Variants in HAT1 observed in about 807,000 individuals in gnomAD.
The protein encoded by HAT1 is histone acetyltransferase type B catalytic subunit.
HAT1 carries 20 observed loss-of-function variants against 56.6 expected under a neutral mutation model. The ratio of observed to expected loss-of-function variants is 0.35; its 90% CI spans 0.25 to 0.51. The LOEUF is 0.51. Ranked by LOEUF, HAT1 falls within the 20% of genes least tolerant of loss-of-function variation. The pLI is 0.95. For missense variants in HAT1, 408 were observed against 504.3 expected (o/e 0.81, Z 1.83); for synonymous variants, 146 against 165.5 (o/e 0.88, Z 0.91).
At chr2:171,982,723 T>C (rs972772176) in intron 10 of HAT1, among the ~76,000 whole-genome samples, 7 of 152,204 alleles carry the variant, frequency 4.6e-5, no homozygotes, top group Non-Finnish European at 7.3e-5. Flanking sequence ...TTTCTAACAG[T>C]TTATGTTAAA....
At chr2:171,922,689 G>T (rs1686470224) in intron 1 of HAT1, 182 bp downstream of exon 1, 4 of 436,744 alleles carry the variant, frequency 9.2e-6, no homozygotes, top group Non-Finnish European at 1.6e-5. Context: ...GGCGGTCCGC[G>T]CCCCCGCCCC....
At chr2:171,975,658 A>C (rs1687942584) in intron 8 of HAT1, among the ~76,000 whole-genome samples, 1 of 152,152 alleles carries the variant, frequency 6.6e-6, no homozygotes, top group Non-Finnish European at 1.5e-5. Flanking sequence ...AGTTCATGGC[A>C]TATTCCCTTT....
At chr2:171,950,929 C>A (rs1574049516) in intron 3 of HAT1, among the ~76,000 whole-genome samples, 1 of 152,208 alleles carries the variant, frequency 6.6e-6, no homozygotes, top group Admixed American at 6.5e-5. Flanking sequence ...CCTGCCTCAG[C>A]CTCCCGAGTC....
At chr2:171,970,187 C>T (rs1238468071) in intron 8 of HAT1, among the ~76,000 whole-genome samples, 1 of 151,816 alleles carries the variant, frequency 6.6e-6, no homozygotes, top group African/African-American at 2.4e-5. Flanking sequence ...TTTGGGAGGT[C>T]GAGGCAGGTG....
At chr2:171,981,165 T>C (rs1688124865) in intron 10 of HAT1, among the ~76,000 whole-genome samples, 1 of 151,932 alleles carries the variant, frequency 6.6e-6, no homozygotes, top group South Asian at 2.1e-4. Flanking sequence ...CAAAATTCCA[T>C]CTCAAAAAAG....
chr2:171,955,295 CTG>C (rs1183259817), intron 4 of HAT1, among the ~76,000 whole-genome samples: 2 of 152,062 alleles, frequency 1.3e-5, no homozygotes, highest in African/African-American at 2.4e-5. Context: ...CTTGAATGGA[CTG>C]TTGGTAGAAA....
intron 8 of HAT1, among the ~76,000 whole-genome samples, chr2:171,967,381 T>C (rs1242182002): frequency 6.6e-6 from 1 of 152,142 alleles, no homozygotes; most frequent in Non-Finnish European, 1.5e-5. Flanking sequence ...TTTCCTAAAG[T>C]GTGTGTTTTG....
chr2:171,971,702 TTTA>T (rs1687820101), intron 8 of HAT1, among the ~76,000 whole-genome samples: 1 of 152,308 alleles, frequency 6.6e-6, no homozygotes, highest in Admixed American at 6.5e-5. Context: ...CTTTATATTT[TTTA>T]TTTATTTATT....
At chr2:171,981,064 G>A (rs372136684) in intron 10 of HAT1, among the ~76,000 whole-genome samples, 3 of 151,838 alleles carry the variant, frequency 2.0e-5, no homozygotes, top group African/African-American at 4.8e-5. Context: ...CAGCTTCTCC[G>A]GAGGCTGAGG....
chr2:171,979,541 C>T, intron 10 of HAT1, 178 bp downstream of exon 10: 1 of 495,756 alleles, frequency 2.0e-6, no homozygotes, highest in East Asian at 3.7e-5. Context: ...GGCGTGGTGG[C>T]CCACACCTGT....
intron 4 of HAT1, among the ~76,000 whole-genome samples, chr2:171,959,806 C>CAAATT (rs1164301923): frequency 2.6e-5 from 4 of 152,102 alleles, no homozygotes. Context: ...AGTAAATACA[C>CAAATT]AAATTAAATT....
At chr2:171,949,544 G>A (rs1364508939) in intron 3 of HAT1, among the ~76,000 whole-genome samples, 1 of 151,562 alleles carries the variant, frequency 6.6e-6, no homozygotes. Flanking sequence ...GCTTGCTGGC[G>A]TATCCTGTAG....
At chr2:171,978,182 A>T (rs960236669) in intron 9 of HAT1, among the ~76,000 whole-genome samples, 3 of 150,744 alleles carry the variant, frequency 2.0e-5, no homozygotes, top group Non-Finnish European at 4.4e-5. Context: ...CTCCCACCTC[A>T]GCCTCCCAAG....
intron 5 of HAT1, 109 bp downstream of exon 5, chr2:171,965,626 G>A: frequency 1.0e-6 from 1 of 982,060 alleles, no homozygotes; most frequent in Non-Finnish European, 1.5e-6. Context: ...GTTTTAATCA[G>A]CATTATAAAC....
In HAT1 at chr2:171,938,060, CTCTCTCTCTCTCTCTT is replaced by C. The variant is rs1299757656; in HGVS notation, c.113-8646_113-8631del. Among the ~76,000 whole-genome samples, 686 of 142,084 alleles carry C rather than the reference CTCTCTCTCTCTCTCTT, an allele frequency of 4.8e-3. 4 individuals are homozygous for C. Among genetic ancestry groups the C allele is most frequent in the African/African-American group, 0.015 (569 of 38,982 alleles). 93.2% of individuals were successfully genotyped at this position (142,084 alleles called of 152,430 possible). ...TCTCTCTCTCTCTCTCTCTCTCTCTCTCTCTCTCTCTCTCTTTAAATGAACTGTAAGAGTAGAAACA... is the reference window on the plus strand; with the variant it reads ...TCTCTCTCTCTCTCTCTCTCTCTCTCTAAATGAACTGTAAGAGTAGAAACA... On this transcript the variant is annotated intron_variant, in intron 2 of 10. Coordinates refer to ENST00000264108, the MANE Select transcript of HAT1 (RefSeq NM_003642.4).
At chr2:171,970,650 G>T (rs1343225761) in intron 8 of HAT1, among the ~76,000 whole-genome samples, 1 of 149,250 alleles carries the variant, frequency 6.7e-6, no homozygotes, top group Admixed American at 6.7e-5. Flanking sequence ...CTCCCAAGTA[G>T]CTGGGACTAC....
chr2:171,938,058 CTCTCTCTCTCTCTCTCTT>C (rs1407926939), intron 2 of HAT1, among the ~76,000 whole-genome samples: 3 of 142,076 alleles, frequency 2.1e-5, no homozygotes, highest in Non-Finnish European at 4.8e-5. Context: ...CTCTCTCTCT[CTCTCTCTCTCTCTCTCTT>C]TAAATGAACT....
chr2:171,977,501 G>A (rs746875384), intron 9 of HAT1, among the ~76,000 whole-genome samples: 3 of 102,892 alleles, frequency 2.9e-5, no homozygotes, highest in Non-Finnish European at 6.1e-5. Context: ...TAATAGCTCA[G>A]CTTTTAAAAG....
At chr2:171,965,652 G>A in intron 5 of HAT1, 135 bp downstream of exon 5, 2 of 974,318 alleles carry the variant, frequency 2.1e-6, no homozygotes, top group South Asian at 1.6e-5. Context: ...TCTATTTTGT[G>A]TGTATGTCTG....
Sources: allele counts gnomAD v4.1 joint callset (sites outside exome capture counted in the v4.1 genomes callset), GRCh38; gene constraint gnomAD v4.1.1; transcripts MANE v1.5; gene names NCBI Gene and HGNC (gene_info 2026-07-23, HGNC 2026-07-21).